RBFOX1: variants seen among roughly 807,000 people sequenced by gnomAD.
RBFOX1 encodes the protein RNA binding protein fox-1 homolog 1.
A neutral mutation model predicts 57.7 loss-of-function variants in RBFOX1; 8 were observed. The observed-to-expected ratio is 0.14, with a 90% CI of 0.08 to 0.25. RBFOX1 has a LOEUF of 0.25. Ranked by LOEUF, RBFOX1 falls within the 10% of genes least tolerant of loss-of-function variation. The pLI is 1.00. For synonymous variants in RBFOX1, 326 were observed against 222.4 expected, an observed-to-expected ratio of 1.47 and a Z score of -4.15; for missense variants, 611 against 548.5, an observed-to-expected ratio of 1.11 and a Z score of -1.14.
chr16:6,820,254 A>G (rs1192203233), intron 3 of RBFOX1, among the ~76,000 whole-genome samples: 1 of 152,132 alleles, frequency 6.6e-6, no homozygotes, highest in Non-Finnish European at 1.5e-5. Flanking sequence ...TTTCTTCTTT[A>G]TAAATTGTCC....
At chr16:7,220,690 G>A (rs1392540234) in intron 4 of RBFOX1, among the ~76,000 whole-genome samples, 2 of 152,162 alleles carry the variant, frequency 1.3e-5, no homozygotes, top group African/African-American at 4.8e-5. Flanking sequence ...GTATTTCTCT[G>A]ATTGTGATCT....
intron 4 of RBFOX1, among the ~76,000 whole-genome samples, chr16:5,917,446 C>T (rs1457640120): frequency 1.3e-5 from 2 of 152,148 alleles, no homozygotes; most frequent in African/African-American, 2.4e-5. Flanking sequence ...GAGGTTGAGA[C>T]GTTAAGTAAT....
At chr16:6,868,499 T>C (rs1156865603) in intron 3 of RBFOX1, among the ~76,000 whole-genome samples, 1 of 152,066 alleles carries the variant, frequency 6.6e-6, no homozygotes, top group Non-Finnish European at 1.5e-5. Flanking sequence ...TTTGAGACAG[T>C]CTCACTCTGT....
intron 4 of RBFOX1, among the ~76,000 whole-genome samples, chr16:5,958,898 C>T (rs1390660471): frequency 6.6e-6 from 1 of 152,194 alleles, no homozygotes; most frequent in African/African-American, 2.4e-5. Flanking sequence ...CAACTCTAGG[C>T]ACACCCTGAT....
chr16:6,249,660 G>C (rs1392471542), intron 1 of RBFOX1, among the ~76,000 whole-genome samples: 4 of 152,104 alleles, frequency 2.6e-5, no homozygotes, highest in Non-Finnish European at 4.4e-5. Flanking sequence ...GCAGGCAAAG[G>C]TGAGATCTAG....
At chr16:7,470,623 G>A (rs559202561) in intron 4 of RBFOX1, among the ~76,000 whole-genome samples, 1 of 152,122 alleles carries the variant, frequency 6.6e-6, no homozygotes, top group African/African-American at 2.4e-5. Flanking sequence ...TGGATGGTTA[G>A]GTGGGTGAAT....
At chr16:5,404,655 C>T (rs933392834) in intron 1 of RBFOX1, among the ~76,000 whole-genome samples, 4 of 152,198 alleles carry the variant, frequency 2.6e-5, no homozygotes, top group Non-Finnish European at 4.4e-5. Flanking sequence ...AACCCCTATT[C>T]TGTGCACAGA....
chr16:6,860,337 G>C (rs1349821608), intron 3 of RBFOX1, among the ~76,000 whole-genome samples: 1 of 152,098 alleles, frequency 6.6e-6, no homozygotes, highest in Non-Finnish European at 1.5e-5. Context: ...TTTTTGGCTG[G>C]GGGTGGTAAT....
intron 5 of RBFOX1, among the ~76,000 whole-genome samples, chr16:7,572,669 C>T (rs1413319689): frequency 1.3e-5 from 2 of 152,124 alleles, no homozygotes; most frequent in East Asian, 3.9e-4. Flanking sequence ...GAAACCCTGT[C>T]TCTACTAAAA....
chr16:7,182,942 C>G (rs755791724), intron 4 of RBFOX1, among the ~76,000 whole-genome samples: 1 of 152,164 alleles, frequency 6.6e-6, no homozygotes, highest in Non-Finnish European at 1.5e-5. Context: ...TTCTTTGTTG[C>G]TTGTTTATCA....
intron 3 of RBFOX1, among the ~76,000 whole-genome samples, chr16:6,886,556 T>A (rs1307276601): frequency 6.6e-6 from 1 of 151,852 alleles, no homozygotes; most frequent in Non-Finnish European, 1.5e-5. Context: ...AGTTTGAGAC[T>A]AGCCTGGTCT....
intron 3 of RBFOX1, among the ~76,000 whole-genome samples, chr16:6,787,954 G>A (rs1417970740): frequency 6.6e-6 from 1 of 152,040 alleles, no homozygotes; most frequent in South Asian, 2.1e-4. Flanking sequence ...CGGGCACGGT[G>A]GCTCATGTCT....
chr16:5,383,497 C>A (rs1034920987), intron 1 of RBFOX1, among the ~76,000 whole-genome samples: 1 of 152,194 alleles, frequency 6.6e-6, no homozygotes, highest in Non-Finnish European at 1.5e-5. Context: ...CTATGCAAAA[C>A]ACTAGTTGAA....
Position 7,371,210 on chromosome 16 carries a change from A to G in RBFOX1, c.28-146937A>G, listed in dbSNP as rs762074518. Among the ~76,000 whole-genome samples, 5 of 152,142 alleles carry G rather than the reference A, an allele frequency of 3.3e-5. No homozygotes were observed. In the East Asian group the frequency reaches 7.7e-4, roughly 23 times the overall value. On this transcript the variant is annotated intron_variant, in intron 4 of 15. Transcript: ENST00000550418. Reference sequence around the variant, plus strand: ...TCATAATTTACTTCTTTAACATAACATTTGTGTGTTGTATGTGTCCCAGGA... The same window carrying G: ...TCATAATTTACTTCTTTAACATAACGTTTGTGTGTTGTATGTGTCCCAGGA...
At chr16:5,252,442 A>G (rs1369491920) in intron 1 of RBFOX1, among the ~76,000 whole-genome samples, 3 of 152,216 alleles carry the variant, frequency 2.0e-5, no homozygotes, top group Non-Finnish European at 4.4e-5. Flanking sequence ...CTTGCTACGT[A>G]TGAGAGTTCC....
chr16:5,792,003 G>T (rs1024192523), intron 3 of RBFOX1, among the ~76,000 whole-genome samples: 1 of 152,138 alleles, frequency 6.6e-6, no homozygotes, highest in African/African-American at 2.4e-5. Context: ...GACTTTGGCA[G>T]GGCGCTGGCT....
intron 4 of RBFOX1, among the ~76,000 whole-genome samples, chr16:6,002,810 A>C (rs1434991314): frequency 6.6e-6 from 1 of 152,256 alleles, no homozygotes; most frequent in Non-Finnish European, 1.5e-5. Context: ...GAGTTAGAGC[A>C]AATAAAGTGG....
intron 3 of RBFOX1, among the ~76,000 whole-genome samples, chr16:5,829,249 G>A (rs111751447): frequency 1.3e-5 from 2 of 152,144 alleles, no homozygotes; most frequent in African/African-American, 4.8e-5. Flanking sequence ...GCTGAAGGCC[G>A]CAGCCAGTCA....
intron 3 of RBFOX1, among the ~76,000 whole-genome samples, chr16:6,806,416 C>G (rs1040518035): frequency 6.6e-6 from 1 of 152,240 alleles, no homozygotes; most frequent in East Asian, 1.9e-4. Context: ...AATACATTTG[C>G]ATCTTTTTCA....
Sources: gnomAD v4.1 joint callset for allele counts (sites outside exome capture counted in the v4.1 genomes callset) on GRCh38, gnomAD v4.1.1 for gene constraint, MANE v1.5 for transcripts, NCBI Gene and HGNC (gene_info 2026-07-23, HGNC 2026-07-21) for gene names.